FRYL: variants seen among roughly 807,000 people sequenced by gnomAD.
FRYL encodes the protein FRY like transcription coactivator.
A neutral mutation model predicts 351.2 loss-of-function variants in FRYL; 150 were observed. The ratio of observed to expected loss-of-function variants is 0.43; its 90% CI spans 0.37 to 0.49. The LOEUF (loss-of-function observed/expected upper bound fraction) is 0.49, where lower values mean the gene tolerates loss of function less well. FRYL is among the 20% of genes least tolerant of loss of function. The pLI, the probability that FRYL is intolerant of heterozygous loss-of-function variation, is 0.00. For missense variants in FRYL, 3,036 were observed against 3,619.3 expected (o/e 0.84, Z 4.13); for synonymous variants, 1,153 against 1,257.1 (o/e 0.92, Z 1.75).
At chr4:48,628,530 G>GA (rs1752330345) in intron 4 of FRYL, among the ~76,000 whole-genome samples, 1 of 151,726 alleles carries the variant, frequency 6.6e-6, no homozygotes, top group African/African-American at 2.4e-5. Flanking sequence ...AGGGGTAGGG[G>GA]AAAGAGAGGC....
rs539860682 is a variant in FRYL at position 48,692,566 on chromosome 4, T to C, written c.-203-7771A>G. 2.4e-3 allele frequency among the ~76,000 whole-genome samples: 363 copies of C among 152,304 alleles called. 2 individuals are homozygous for C. The highest frequency in any genetic ancestry group is 7.9e-3 in the African/African-American group (327 of 41,566). ...TGCCACCACACCTGACTAATTTTTG[T>C]ATTTTTAGTAGAGCCAAAGTTTTGC... On this transcript the variant is annotated intron_variant, in intron 2 of 63. Transcript: ENST00000358350.
At chr4:48,743,004 A>G (rs1286372717) in intron 1 of FRYL, among the ~76,000 whole-genome samples, 3 of 52,564 alleles carry the variant, frequency 5.7e-5, no homozygotes, top group African/African-American at 1.3e-4. Flanking sequence ...TTTTTACTAG[A>G]GACAGAGTTT....
chr4:48,748,803 T>A (rs960016331), intron 1 of FRYL, among the ~76,000 whole-genome samples: 2 of 152,104 alleles, frequency 1.3e-5, no homozygotes, highest in African/African-American at 4.8e-5. Context: ...TGCGAAGCTA[T>A]CAGAAGAAAA....
chr4:48,538,555 G>A (rs1168914876), intron 47 of FRYL, among the ~76,000 whole-genome samples: 1 of 152,008 alleles, frequency 6.6e-6, no homozygotes, highest in Non-Finnish European at 1.5e-5. Flanking sequence ...CTGCAATCTG[G>A]GCCATGGAAA....
intron 61 of FRYL, 44 bp from the exon 62 acceptor site, chr4:48,501,777 A>G: frequency 9.1e-7 from 1 of 1,102,628 alleles, no homozygotes; most frequent in South Asian, 1.3e-5. Context: ...GTTATTTTCT[A>G]GACAGCATAT....
chr4:48,527,547 T>A lies in FRYL; in HGVS notation c.7247A>T (p.Asn2416Ile), dbSNP rs1394054877. 6.2e-7 allele frequency: 1 copy of A among 1,613,404 alleles called. No homozygotes were observed. The highest frequency in any genetic ancestry group is 8.5e-7 in the Non-Finnish European group (1 of 1,179,552). The change falls in exon 53 of 64, where the codon AAT becomes ATT. Residue 2416 changes from asparagine (N) to isoleucine (I), a missense_variant. Transcript: ENST00000358350. ...NQEEEVAVED[N>I]SSEQQFGVFK... ...AACACCAAACTGTTGTTCACTGCTA[T>A]TATCTTCCACAGCTACTTCTTCCTC...
At chr4:48,502,560 AAG>A (rs1491088831) in intron 61 of FRYL, among the ~76,000 whole-genome samples, 7 of 151,712 alleles carry the variant, frequency 4.6e-5, no homozygotes, top group African/African-American at 1.7e-4. Flanking sequence ...AAAAAAAAAA[AAG>A]TTGTGCACTT....
Position 48,549,391 on chromosome 4 carries a change from T to C in FRYL, c.4784+82A>G. The C allele has an allele frequency of 8.0e-7, 1 of 1,252,868 alleles. No homozygotes were observed. Among genetic ancestry groups the C allele is most frequent in the East Asian group, 2.4e-5 (1 of 41,318 alleles). The allele number at this position is 1,252,868 out of a possible 1,614,324, so 77.6% of individuals were successfully genotyped here. On this transcript the variant is annotated intron_variant, in intron 39 of 63. Transcript: ENST00000358350. The surrounding 1 kb of genome is among the most constrained non-coding windows in gnomAD (Gnocchi z 4.2). ...CATAAAGAAGATTGCTTTCATTCTGTGTTGTCAGATAGCACAAAGAAAGCC... is the reference window on the plus strand; with the variant it reads ...CATAAAGAAGATTGCTTTCATTCTGCGTTGTCAGATAGCACAAAGAAAGCC...
chr4:48,777,863 T>A (rs73150230), intron 1 of FRYL, among the ~76,000 whole-genome samples: 1,984 of 152,082 alleles, frequency 0.013, 45 homozygotes, highest in African/African-American at 0.046. Context: ...AGAAGAAATA[T>A]TAGGTGAAAC....
intron 1 of FRYL, among the ~76,000 whole-genome samples, chr4:48,738,496 T>A (rs1771679660): frequency 6.6e-6 from 1 of 152,022 alleles, no homozygotes; most frequent in Non-Finnish European, 1.5e-5. Context: ...CTCAAGCTTT[T>A]GTTGTTGTTG....
At chr4:48,622,049 G>A (rs928418773) in intron 5 of FRYL, among the ~76,000 whole-genome samples, 1 of 151,960 alleles carries the variant, frequency 6.6e-6, no homozygotes, top group Non-Finnish European at 1.5e-5. Flanking sequence ...ATCAACTATT[G>A]TAAATAAATA....
At chr4:48,631,333 C>T (rs1282813392) in intron 4 of FRYL, among the ~76,000 whole-genome samples, 1 of 152,092 alleles carries the variant, frequency 6.6e-6, no homozygotes, top group East Asian at 1.9e-4. Context: ...GATTACATAG[C>T]AGATGCCTCT....
chr4:48,775,211 C>T (rs1289443483), intron 1 of FRYL, among the ~76,000 whole-genome samples: 1 of 152,192 alleles, frequency 6.6e-6, no homozygotes, highest in Non-Finnish European at 1.5e-5. Context: ...TTGGAAGAGG[C>T]TATGCCGAAA....
chr4:48,751,920 G>A (rs1773286996), intron 1 of FRYL, among the ~76,000 whole-genome samples: 2 of 150,910 alleles, frequency 1.3e-5, no homozygotes, highest in Admixed American at 1.3e-4. Flanking sequence ...GAATCCCACA[G>A]GTCTGAAGTA....
At chr4:48,753,264 C>T (rs1300326612) in intron 1 of FRYL, among the ~76,000 whole-genome samples, 2 of 152,048 alleles carry the variant, frequency 1.3e-5, no homozygotes, top group African/African-American at 4.8e-5. Context: ...AAAAATAAAG[C>T]ACCAGTGACT....
chr4:48,641,287 G>C (rs1171948078), intron 3 of FRYL, among the ~76,000 whole-genome samples: 1 of 152,096 alleles, frequency 6.6e-6, no homozygotes, highest in African/African-American at 2.4e-5. Flanking sequence ...GTGGGCTTTA[G>C]AAGGCAAGGA....
intron 1 of FRYL, among the ~76,000 whole-genome samples, chr4:48,740,441 C>T (rs1292655913): frequency 2.0e-5 from 3 of 151,836 alleles, no homozygotes; most frequent in Non-Finnish European, 4.4e-5. Flanking sequence ...ACTACAGGTG[C>T]GCACCACCAT....
At chr4:48,698,422 A>C (rs766803516) in intron 2 of FRYL, among the ~76,000 whole-genome samples, 2 of 152,214 alleles carry the variant, frequency 1.3e-5, no homozygotes, top group Non-Finnish European at 2.9e-5. Flanking sequence ...ATGTGACGTG[A>C]TGGGCTCCAA....
chr4:48,567,282 A>G lies in FRYL; in HGVS notation c.3135T>C (p.Ser1045=). 1 of 1,612,018 alleles carries G rather than the reference A, an allele frequency of 6.2e-7. No individual in the cohort carries two copies. The highest frequency in any genetic ancestry group is 1.7e-5 in the Admixed American group (1 of 59,720). Residue 1045 remains serine, a synonymous_variant, in exon 28 of 64, where the codon AGT becomes AGC. Coordinates refer to ENST00000358350, the MANE Select transcript of FRYL (RefSeq NM_015030.2). This position sits in a 1 kb window ranked among gnomAD's most constrained non-coding sequence, Gnocchi z 4.2. ...DTLKDIRCHF[S]ALVANIIQNV... Reference sequence around the variant, plus strand: ...TCTGAATAATATTCGCCACTAAGGCACTAAAATGGCATCGTATATCCTTCA... The same window carrying G: ...TCTGAATAATATTCGCCACTAAGGCGCTAAAATGGCATCGTATATCCTTCA...
Sources: allele counts gnomAD v4.1 joint callset (sites outside exome capture counted in the v4.1 genomes callset), GRCh38; gene constraint gnomAD v4.1.1; non-coding constraint Gnocchi (gnomAD v3.1); transcripts MANE v1.5; gene names NCBI Gene and HGNC (gene_info 2026-07-23, HGNC 2026-07-21).